The following SAMMSON variants were observed in gnomAD, a reference collection of about 807,000 sequenced individuals.
SAMMSON encodes long intergenic non-protein coding RNA 1212.
At chr3:70,313,773 C>A (rs1156917011) in intron 7 of SAMMSON, among the ~76,000 whole-genome samples, 1 of 152,078 alleles carries the variant, frequency 6.6e-6, no homozygotes, top group Non-Finnish European at 1.5e-5. Context: ...TTAAAAACTA[C>A]CTTCATCAGC....
intron 4 of SAMMSON, among the ~76,000 whole-genome samples, chr3:70,075,781 G>A (rs1166228182): frequency 2.0e-5 from 3 of 151,942 alleles, no homozygotes; most frequent in East Asian, 3.9e-4. Context: ...GGATTATGTC[G>A]AGCTCCTGGA....
chr3:70,120,018 A>G (rs953485818), intron 4 of SAMMSON: 7 of 152,110 alleles, frequency 4.6e-5, no homozygotes, highest in Non-Finnish European at 1.0e-4. Context: ...ACAACCCCAG[A>G]ACTGTAGGAT....
intron 9 of SAMMSON, among the ~76,000 whole-genome samples, chr3:70,362,820 T>G (rs1339041925): frequency 6.6e-6 from 1 of 151,514 alleles, no homozygotes; most frequent in Non-Finnish European, 1.5e-5. Context: ...TTTTTTTTTT[T>G]TCTCCAGTGG....
intron 4 of SAMMSON, among the ~76,000 whole-genome samples, chr3:70,167,973 G>A (rs1393236185): frequency 6.6e-6 from 1 of 151,974 alleles, no homozygotes; most frequent in African/African-American, 2.4e-5. Context: ...TTTGAATCTT[G>A]GAGAGCTGAC....
rs554778120 is a variant in SAMMSON at position 70,247,874 on chromosome 3, A to T, written n.508-1233A>T. On this transcript the variant is annotated intron_variant and non_coding_transcript_variant, in intron 4 of 9. Transcript: ENST00000642114. ...ATTCATGAAGCACTAAAATAATATC[A>T]TAAGTTATTTTTTATAAGTTTCTGT... Among the ~76,000 whole-genome samples, 4 of 152,202 alleles carry T rather than the reference A, an allele frequency of 2.6e-5. No homozygotes were observed. The South Asian group carries it at 6.2e-4, about 24-fold the overall frequency.
intron 3 of SAMMSON, among the ~76,000 whole-genome samples, chr3:70,029,454 T>C (rs2067056074): frequency 6.6e-6 from 1 of 152,124 alleles, no homozygotes; most frequent in African/African-American, 2.4e-5. Flanking sequence ...TATCTTTCTA[T>C]TAATTATCCC....
chr3:70,172,546 A>G (rs1700967544), intron 4 of SAMMSON: 1 of 151,982 alleles, frequency 6.6e-6, no homozygotes, highest in Non-Finnish European at 1.5e-5. Context: ...GCTTAGTAAC[A>G]ATAAATTGCT....
intron 4 of SAMMSON, among the ~76,000 whole-genome samples, chr3:70,212,834 C>T (rs539956440): frequency 9.9e-5 from 15 of 152,168 alleles, no homozygotes; most frequent in African/African-American, 3.6e-4. Context: ...GTCACCCAGG[C>T]TGGAGTGCAG....
At chr3:70,421,143 C>T (rs1701308673) in intron 2 of SAMMSON, among the ~76,000 whole-genome samples, 1 of 152,206 alleles carries the variant, frequency 6.6e-6, no homozygotes, top group Admixed American at 6.5e-5. Flanking sequence ...GGCAAAGTTA[C>T]TTGCTCAGTT....
downstream of SAMMSON, among the ~76,000 whole-genome samples, chr3:70,391,205 G>A (rs1036414150): frequency 1.3e-5 from 2 of 152,112 alleles, no homozygotes; most frequent in Admixed American, 1.3e-4. Context: ...AACTAGTTTA[G>A]AAAAGCAAAT....
chr3:70,236,629 T>A (rs1701611869), intron 4 of SAMMSON, among the ~76,000 whole-genome samples: 1 of 152,152 alleles, frequency 6.6e-6, no homozygotes, highest in Non-Finnish European at 1.5e-5. Flanking sequence ...AGGGTCTCAC[T>A]CTGTCACCCA....
intron 6 of SAMMSON, among the ~76,000 whole-genome samples, chr3:70,252,482 T>C (rs1186578146): frequency 6.6e-6 from 1 of 152,082 alleles, no homozygotes; most frequent in Non-Finnish European, 1.5e-5. Context: ...TTAAGATGGG[T>C]CAGAGAGAAT....
intron 3 of SAMMSON, chr3:70,070,451 A>G (rs985220870): frequency 1.3e-5 from 2 of 151,930 alleles, no homozygotes; most frequent in African/African-American, 4.8e-5. Flanking sequence ...ATTGTTTTGA[A>G]CAATCTATCA....
At chr3:70,246,577 T>C (rs1038921274) in intron 4 of SAMMSON, among the ~76,000 whole-genome samples, 1 of 152,092 alleles carries the variant, frequency 6.6e-6, no homozygotes, top group East Asian at 1.9e-4. Flanking sequence ...CAGTTGTTAG[T>C]ATAAGGATGT....
chr3:70,327,982 T>C (rs548461224), intron 7 of SAMMSON, among the ~76,000 whole-genome samples: 1 of 152,308 alleles, frequency 6.6e-6, no homozygotes, highest in Admixed American at 6.5e-5. Context: ...AGAAGTTTAA[T>C]AGACTCACAG....
intron 4 of SAMMSON, among the ~76,000 whole-genome samples, chr3:70,099,369 T>C (rs893395286): frequency 1.3e-5 from 2 of 152,174 alleles, no homozygotes; most frequent in African/African-American, 4.8e-5. Flanking sequence ...CACATTTTGA[T>C]TGCACTCGGT....
intron 3 of SAMMSON, chr3:70,025,332 C>T (rs1219920135): frequency 6.6e-6 from 1 of 152,160 alleles, no homozygotes; most frequent in East Asian, 1.9e-4. Flanking sequence ...GCAACCTCTG[C>T]CTGCCAGGTT....
chr3:70,087,544 C>T (rs912542376), intron 4 of SAMMSON, among the ~76,000 whole-genome samples: 3 of 152,136 alleles, frequency 2.0e-5, no homozygotes, highest in African/African-American at 7.2e-5. Flanking sequence ...AATATCCTTC[C>T]TCTGAGATCC....
chr3:70,414,340 G>T (rs1336294622), intron 2 of SAMMSON, among the ~76,000 whole-genome samples: 1 of 152,004 alleles, frequency 6.6e-6, no homozygotes, highest in East Asian at 1.9e-4. Context: ...TTATCAAAAT[G>T]ATTAGTTTAT....
Sources: allele counts gnomAD v4.1 joint callset (sites outside exome capture counted in the v4.1 genomes callset), GRCh38; gene constraint gnomAD v4.1.1; transcripts MANE v1.5; gene names NCBI Gene and HGNC (gene_info 2026-07-23, HGNC 2026-07-21).